The following SPTA1 variants were observed in gnomAD, a reference collection of about 807,000 sequenced individuals.
SPTA1 encodes spectrin alpha, erythrocytic 1.
SPTA1 carries 177 observed loss-of-function variants against 324.7 expected under a neutral mutation model. That is an observed-to-expected ratio of 0.55 (90% CI 0.48 to 0.62). The LOEUF (loss-of-function observed/expected upper bound fraction) is 0.62. SPTA1 is among the 20% of genes least tolerant of loss of function. The pLI, the probability that SPTA1 is intolerant of heterozygous loss-of-function variation, is 0.00. For missense variants in SPTA1, 3,162 were observed against 2,883.6 expected (o/e 1.10, Z -2.21); for synonymous variants, 1,195 against 1,041.3 (o/e 1.15, Z -2.84).
chr1:158,633,298 C>T (rs369899654), intron 39 of SPTA1, among the ~76,000 whole-genome samples: 129 of 152,168 alleles, frequency 8.5e-4, no homozygotes, highest in African/African-American at 2.9e-3. Flanking sequence ...CTGGATGTTT[C>T]CATTAGAGAA....
chr1:158,654,965 G>A (rs749757276), intron 20 of SPTA1, among the ~76,000 whole-genome samples: 5 of 152,100 alleles, frequency 3.3e-5, no homozygotes, highest in Non-Finnish European at 7.4e-5. Flanking sequence ...TAAACCCAAA[G>A]CAAGGAAGGA....
chr1:158,671,542 G>A, intron 11 of SPTA1, 89 bp from the exon 12 acceptor site: 6 of 1,041,298 alleles, frequency 5.8e-6, no homozygotes, highest in Non-Finnish European at 8.9e-6. Flanking sequence ...GACTAAGGCA[G>A]GAGGGAACAA....
intron 17 of SPTA1, among the ~76,000 whole-genome samples, chr1:158,662,126 T>C (rs1004603601): frequency 2.6e-5 from 4 of 152,198 alleles, no homozygotes; most frequent in Admixed American, 6.5e-5. Context: ...TCCAGGAAGT[T>C]TTCCCAGACT....
chr1:158,616,112 T>A (rs983852733), intron 47 of SPTA1, among the ~76,000 whole-genome samples: 1 of 152,206 alleles, frequency 6.6e-6, no homozygotes, highest in Non-Finnish European at 1.5e-5. Context: ...ATCTTTTTTT[T>A]AAGTTTCATT....
In SPTA1 at chr1:158,612,912, C is replaced by G. The variant is rs754761746; in HGVS notation, c.7039G>C (p.Glu2347Gln). ...EDYTAFLIDK[E>Q]SENIKSSDEI... The stretch of plus-strand genomic sequence containing the variant: ...TCACTGGACTTGATGTTTTCTGACT[C>G]CTTGTCAATCAGGAAAGCAGTATAG... Residue 2347 changes from glutamate to glutamine, a missense_variant, in exon 51 of 52, where the codon GAG (glutamate) becomes CAG (glutamine). Glu to Gln is a conservative substitution (Grantham distance 29). Coordinates refer to ENST00000643759, the MANE Select transcript of SPTA1 (RefSeq NM_003126.4). 4 of 1,613,926 alleles carry G rather than the reference C, an allele frequency of 2.5e-6. No homozygotes were observed. In the South Asian group the frequency reaches 3.3e-5, roughly 13 times the overall value.
intron 36 of SPTA1, 59 bp from the exon 37 acceptor site, chr1:158,636,820 G>T: frequency 6.2e-7 from 1 of 1,610,170 alleles, no homozygotes; most frequent in Non-Finnish European, 8.5e-7. Context: ...TCATCCTACA[G>T]CAATAGCTTT....
chr1:158,653,451 C>G (rs748915111), intron 21 of SPTA1, 26 bp from the exon 22 acceptor site: 1 of 1,613,266 alleles, frequency 6.2e-7, no homozygotes, highest in Non-Finnish European at 8.5e-7. Context: ...ATCCCCACTC[C>G]GTCATTAATT....
rs1021576411 is a variant in SPTA1, at chr1:158,621,634, T to C, written c.6121-1168A>G. On this transcript the variant is annotated intron_variant, in intron 43 of 51. Transcript: ENST00000643759. ...ATATGAAGGAGCTTCCTATATAGAA[T>C]GCACATATATGTGTAAAGTTGCCCA... is the stretch of plus-strand genomic sequence containing the variant. Among the ~76,000 whole-genome samples the C allele has an allele frequency of 3.3e-4, 50 of 152,342 alleles. 1 individual carries two copies. Among genetic ancestry groups the C allele is most frequent in the Admixed American group, 1.8e-3 (28 of 15,292 alleles).
chr1:158,647,702 TCTC>T lies in SPTA1; in HGVS notation c.3730_3732del (p.Glu1244del). The T allele has an allele frequency of 6.2e-7, 1 of 1,613,824 alleles. No individual in the cohort carries two copies. The highest frequency in any genetic ancestry group is 8.5e-7 in the Non-Finnish European group (1 of 1,179,890). ...TGGGACTCACTGAGCCGCTCTGCTG[TCTC>T]CCCCAGTATGGTCACCTGGGGAGGT... On this transcript the variant is annotated inframe_deletion, in exon 27 of 52. Transcript: ENST00000643759.
chr1:158,634,282 C>T (rs550162190), intron 39 of SPTA1, among the ~76,000 whole-genome samples: 8 of 152,324 alleles, frequency 5.3e-5, no homozygotes, highest in African/African-American at 1.9e-4. Flanking sequence ...ACCATTATTT[C>T]TTTGACTCAC....
At chr1:158,647,404 T>G in intron 27 of SPTA1, 135 bp downstream of exon 27, 1 of 1,106,000 alleles carries the variant, frequency 9.0e-7, no homozygotes, top group East Asian at 2.4e-5. Flanking sequence ...ACCTGAAATT[T>G]TTTATGCCTT....
intron 16 of SPTA1, among the ~76,000 whole-genome samples, chr1:158,665,679 C>T (rs1459738545): frequency 6.6e-6 from 1 of 152,164 alleles, no homozygotes; most frequent in Admixed American, 6.5e-5. Flanking sequence ...TGTTCTGGCT[C>T]TGTTGTTAAT....
chr1:158,636,855 G>A, intron 36 of SPTA1, 94 bp from the exon 37 acceptor site: 1 of 1,599,680 alleles, frequency 6.3e-7, no homozygotes, highest in Non-Finnish European at 8.5e-7. Context: ...GTGGCTGGTG[G>A]TGAGGGAGGT....
In SPTA1 at chr1:158,656,604, T is replaced by C. The variant is rs1652845067; in HGVS notation, c.2858A>G (p.Asp953Gly). Reference sequence around the variant, plus strand: ...CTGATTCCGCAGAGCTTTCATACTGTCTCCAAATGAATTGAGATCTAATAG... The same window carrying C: ...CTGATTCCGCAGAGCTTTCATACTGCCTCCAAATGAATTGAGATCTAATAG... ...AFLLDLNSFG[D>G]SMKALRNQAN... Residue 953 changes from aspartate (D) to glycine (G), a missense_variant, in exon 20 of 52, where the codon GAC (aspartate) becomes GGC (glycine). Transcript: ENST00000643759. 1 of 1,613,960 alleles carries C rather than the reference T, an allele frequency of 6.2e-7. No homozygotes were observed. The highest frequency in any genetic ancestry group is 2.2e-5 in the East Asian group (1 of 44,864).
At position 158,656,647 on chromosome 1, in the gene SPTA1, T is replaced by C; in HGVS notation, c.2815A>G (p.Lys939Glu). Residue 939 changes from lysine (K) to glutamate (E), a missense_variant, in exon 20 of 52, where the codon AAG becomes GAG. Lys to Glu is a moderately conservative substitution (Grantham distance 56). Coordinates refer to ENST00000643759, the MANE Select transcript of SPTA1 (RefSeq NM_003126.4). ...ADEEAAGALLKKHEAFLLDLN... is the reference protein window; with the variant it reads ...ADEEAAGALLEKHEAFLLDLN... ...TCTAATAGAAAGGCCTCATGCTTCT[T>C]TAGAAGAGCCTGCATTTATTGATGG... The C allele has an allele frequency of 6.2e-7, 1 of 1,613,498 alleles. No homozygotes were observed. The highest frequency in any genetic ancestry group is 8.5e-7 in the Non-Finnish European group (1 of 1,179,720).
chr1:158,615,647 GT>G (rs1649509095), intron 47 of SPTA1, among the ~76,000 whole-genome samples: 1 of 152,056 alleles, frequency 6.6e-6, no homozygotes, highest in Non-Finnish European at 1.5e-5. Context: ...AGAGTTAGTA[GT>G]TATACACACA....
chr1:158,674,000 A>G (rs1654217492), intron 10 of SPTA1, among the ~76,000 whole-genome samples: 1 of 152,196 alleles, frequency 6.6e-6, no homozygotes, highest in South Asian at 2.1e-4. Context: ...AATTATTTAC[A>G]TAGCATTTAC....
Position 158,645,507 on chromosome 1 carries a change from C to T in SPTA1, c.3984G>A (p.Leu1328=), listed in dbSNP as rs1651930506. 1.9e-6 allele frequency: 3 copies of T among 1,613,844 alleles called. No individual in the cohort carries two copies. Among genetic ancestry groups the T allele is most frequent in the Non-Finnish European group, 2.5e-6 (3 of 1,179,924 alleles). Residue 1328 remains leucine, a synonymous_variant, in exon 28 of 52, where the codon CTG becomes CTA. Coordinates refer to ENST00000643759, the MANE Select transcript of SPTA1 (RefSeq NM_003126.4). ...TTTGTAGTTTTACCTGATGTCTCTCCAGCAAGATCTCTATGCCAGTTAAGT... is the reference window on the plus strand; with the variant it reads ...TTTGTAGTTTTACCTGATGTCTCTCTAGCAAGATCTCTATGCCAGTTAAGT... ...AEDLTGIEIL[L]ERHQEHRADM...
Position 158,683,479 on chromosome 1 carries a change from A to G in SPTA1, c.282T>C (p.His94=). 1 of 1,613,170 alleles carries G rather than the reference A, an allele frequency of 6.2e-7. No individual in the cohort carries two copies. The highest frequency in any genetic ancestry group is 1.7e-4 in the Middle Eastern group (1 of 6,056). The change falls in exon 3 of 52, where the codon CAT becomes CAC. Residue 94 remains histidine, a synonymous_variant. Transcript: ENST00000643759. ...PTNIQGKYQK[H]QSLEAEVQTK... is the part of the protein sequence containing the mutation. ...TTTGCACCTCTGCTTCAAGGGATTGATGCTTCTGATATTTCCCCTAAAGTT... is the reference window on the plus strand; with the variant it reads ...TTTGCACCTCTGCTTCAAGGGATTGGTGCTTCTGATATTTCCCCTAAAGTT...
Sources: allele counts gnomAD v4.1 joint callset (sites outside exome capture counted in the v4.1 genomes callset), GRCh38; gene constraint gnomAD v4.1.1; transcripts MANE v1.5; gene names NCBI Gene and HGNC (gene_info 2026-07-23, HGNC 2026-07-21).